Variants in CCDC33 observed in about 807,000 individuals in gnomAD.
CCDC33 encodes the protein coiled-coil domain-containing protein 33.
In CCDC33, 94 loss-of-function variants were observed where a neutral mutation model predicts 91.9. The observed-to-expected ratio is 1.02, with a 90% confidence interval of 0.87 to 1.21. The LOEUF (loss-of-function observed/expected upper bound fraction) is 1.21. Ranked by LOEUF, CCDC33 falls within the 50% of genes most tolerant of loss-of-function variation. The pLI is 0.00. For synonymous variants in CCDC33, 396 were observed against 374.5 expected (o/e 1.06, Z -0.66); for missense variants, 940 against 935.5 (o/e 1.00, Z -0.06).
At chr15:74,289,331 G>A (rs1223764593) in intron 10 of CCDC33, among the ~76,000 whole-genome samples, 1 of 152,208 alleles carries the variant, frequency 6.6e-6, no homozygotes, top group African/African-American at 2.4e-5. Context: ...GAGCCTAGGA[G>A]CTCCCAGGCC....
At chr15:74,220,834 A>G (rs111423461) in intron 2 of CCDC33, among the ~76,000 whole-genome samples, 8,090 of 152,186 alleles carry the variant, frequency 0.053, 701 homozygotes, top group African/African-American at 0.18. Context: ...GGGAGCAGAC[A>G]ATGAAGACAG....
chr15:74,205,823 G>T (rs1567202515), intron 1 of CCDC33, among the ~76,000 whole-genome samples: 1 of 152,182 alleles, frequency 6.6e-6, no homozygotes, highest in African/African-American at 2.4e-5. Context: ...ACCAAGGGAG[G>T]CCCTAAGCAG....
chr15:74,209,559 GA>G, intron 2 of CCDC33: 42 of 889,910 alleles, frequency 4.7e-5, no homozygotes, highest in Middle Eastern at 2.4e-4. Flanking sequence ...CAGGGGAAGT[GA>G]AAAAGGCCCC....
intron 1 of CCDC33, among the ~76,000 whole-genome samples, chr15:74,241,450 G>A (rs981445624): frequency 1.5e-4 from 23 of 152,168 alleles, no homozygotes; most frequent in Non-Finnish European, 2.1e-4. Flanking sequence ...GAGCTTGGTA[G>A]GTGTGAGAAA....
Position 74,218,312 on chromosome 15 carries a change from G to T in CCDC33, c.311-185G>T, listed in dbSNP as rs2074500762. 6.6e-6 allele frequency among the ~76,000 whole-genome samples: 1 copy of T among 152,138 alleles called. No individual in the cohort carries two copies. The highest frequency in any genetic ancestry group is 1.9e-4 in the East Asian group (1 of 5,174). Reference sequence around the variant, plus strand: ...GGGCTTGGATTGGGCATCAGCAAAGGGAGGGAGCCATGGGTGGGGCCTAGG... The same window carrying T: ...GGGCTTGGATTGGGCATCAGCAAAGTGAGGGAGCCATGGGTGGGGCCTAGG... On this transcript the variant is annotated intron_variant, in intron 1 of 2. Coordinates refer to the CCDC33 transcript ENST00000635913. The surrounding 1 kb of genome is among the most constrained non-coding windows in gnomAD (Gnocchi z 4.8).
At chr15:74,254,386 C>A (rs1432413275) in intron 2 of CCDC33, among the ~76,000 whole-genome samples, 1 of 152,278 alleles carries the variant, frequency 6.6e-6, no homozygotes, top group African/African-American at 2.4e-5. Context: ...GTAAAATCAG[C>A]CAAGTTTTAC....
intron 1 of CCDC33, chr15:74,207,684 C>G: frequency 6.5e-7 from 1 of 1,534,788 alleles, no homozygotes; most frequent in Non-Finnish European, 8.7e-7. Context: ...GGGGGGATGG[C>G]CACTGTGCCC....
intron 5 of CCDC33, 142 bp from the exon 6 acceptor site, chr15:74,271,561 A>T (rs1024326892): frequency 6.4e-6 from 4 of 629,746 alleles, no homozygotes; most frequent in African/African-American, 3.6e-5. Context: ...TAAGGCAGGG[A>T]ACAGGGAGAA....
chr15:74,321,514 C>T (rs537076226), intron 11 of CCDC33, among the ~76,000 whole-genome samples: 1 of 152,254 alleles, frequency 6.6e-6, no homozygotes, highest in African/African-American at 2.4e-5. Context: ...ATCCACCTCC[C>T]TTAGCCTCCC....
Position 74,330,456 on chromosome 15 carries a change from T to A in CCDC33, c.1456+102T>A. On this transcript the variant is annotated intron_variant, in intron 12 of 18. Coordinates refer to ENST00000398814, the MANE Select transcript of CCDC33 (RefSeq NM_025055.5). Reference sequence around the variant, plus strand: ...GGGAGCTTCTCCCAGATGTGCATGCTGCTGGACTCTGGCAAATAGGAGCCC... The same window carrying A: ...GGGAGCTTCTCCCAGATGTGCATGCAGCTGGACTCTGGCAAATAGGAGCCC... The A allele has an allele frequency of 2.2e-6, 3 of 1,340,058 alleles. No individual in the cohort carries two copies. The East Asian group carries it at 7.6e-5, about 34-fold the overall frequency. The allele number at this position is 1,340,058 out of a possible 1,614,324, so 83.0% of individuals were successfully genotyped here. A position where few individuals can be genotyped will look rare whatever the true frequency, so the allele number is the denominator to read the frequency against.
intron 3 of CCDC33, among the ~76,000 whole-genome samples, chr15:74,265,697 C>T (rs1386602689): frequency 6.6e-6 from 1 of 152,230 alleles, no homozygotes; most frequent in Non-Finnish European, 1.5e-5. Context: ...ACAGGACTGT[C>T]ATGATTATTT....
intron 7 of CCDC33, among the ~76,000 whole-genome samples, chr15:74,277,792 C>T (rs1234902293): frequency 1.3e-5 from 2 of 152,176 alleles, no homozygotes; most frequent in African/African-American, 2.4e-5. Flanking sequence ...CTTATTGGGC[C>T]GGCAGCCACT....
intron 7 of CCDC33, 123 bp downstream of exon 7, chr15:74,273,014 G>A: frequency 7.6e-7 from 1 of 1,313,502 alleles, no homozygotes; most frequent in Admixed American, 1.8e-5. Flanking sequence ...GAATCCCACG[G>A]CATACCCAGT....
intron 2 of CCDC33, among the ~76,000 whole-genome samples, chr15:74,227,478 G>A (rs1188332436): frequency 2.0e-5 from 3 of 152,150 alleles, no homozygotes; most frequent in Non-Finnish European, 4.4e-5. Flanking sequence ...GCCAAGACAG[G>A]TTACTTGGTA....
intron 11 of CCDC33, among the ~76,000 whole-genome samples, chr15:74,307,910 C>G (rs1596082687): frequency 1.3e-5 from 2 of 151,948 alleles, no homozygotes; most frequent in East Asian, 3.9e-4. Flanking sequence ...CCCACCCATC[C>G]CCTTTTCTTC....
In CCDC33 at chr15:74,281,812, C is replaced by G; in HGVS notation, c.1058C>G (p.Pro353Arg). ...CTGAAAACTATCAATGATGAGGCCC[C>G]CACAGTGGCTCTCTCCTTCCAGCTG... ...TSLKTINDEAPTVALSFQLLS... is the reference protein window; with the variant it reads ...TSLKTINDEARTVALSFQLLS... The change falls in exon 10 of 19, where the codon CCC becomes CGC. Residue 353 changes from proline (P) to arginine (R), a missense_variant. Coordinates refer to ENST00000398814, the MANE Select transcript of CCDC33 (RefSeq NM_025055.5). The G allele has an allele frequency of 6.2e-7, 1 of 1,614,080 alleles. No individual in the cohort carries two copies. Among genetic ancestry groups the G allele is most frequent in the African/African-American group, 1.3e-5 (1 of 75,056 alleles).
chr15:74,296,389 C>G (rs559189523), intron 11 of CCDC33, among the ~76,000 whole-genome samples: 2 of 152,134 alleles, frequency 1.3e-5, no homozygotes, highest in African/African-American at 4.8e-5. Flanking sequence ...CTTTGGGAGG[C>G]CAAGGCGGGC....
At chr15:74,335,518 C>G (rs1474996779) in intron 18 of CCDC33, 2 of 379,240 alleles carry the variant, frequency 5.3e-6, no homozygotes, top group East Asian at 9.8e-5. Context: ...GTAGGCTCCA[C>G]TTTGCCAACT....
intron 2 of CCDC33, among the ~76,000 whole-genome samples, chr15:74,229,839 G>C (rs955082386): frequency 6.6e-6 from 1 of 152,246 alleles, no homozygotes; most frequent in African/African-American, 2.4e-5. Context: ...TGGGGACATG[G>C]TCCCCGCCCT....
Sources: allele counts gnomAD v4.1 joint callset (sites outside exome capture counted in the v4.1 genomes callset), GRCh38; gene constraint gnomAD v4.1.1; non-coding constraint Gnocchi (gnomAD v3.1); transcripts MANE v1.5; gene names NCBI Gene and HGNC (gene_info 2026-07-23, HGNC 2026-07-21).